Variants in PRKX observed in about 807,000 individuals in gnomAD.
PRKX encodes protein kinase cAMP-dependent X-linked catalytic subunit, also known as cAMP-dependent protein kinase catalytic subunit PRKX.
PRKX carries 12 observed loss-of-function variants against 22.0 expected under a neutral mutation model. That is an observed-to-expected ratio of 0.54 (90% CI 0.35 to 0.88). The LOEUF is 0.88. PRKX is among the 40% of genes least tolerant of loss of function. PRKX has a pLI of 0.01. For synonymous variants in PRKX, 134 were observed against 137.7 expected (o/e 0.97, Z 0.19); for missense variants, 217 against 308.0 (o/e 0.70, Z 2.21).
At chrX:3,701,200 C>T (rs1236486671) in intron 1 of PRKX, among the ~76,000 whole-genome samples, 1 of 111,063 alleles carries the variant, frequency 9.0e-6, no homozygotes, top group East Asian at 2.8e-4. Flanking sequence ...CCTCCAACTC[C>T]TGGGCTCAAA....
intron 4 of PRKX, among the ~76,000 whole-genome samples, chrX:3,633,423 G>T (rs1421693802): frequency 9.3e-6 from 1 of 107,755 alleles, no homozygotes; most frequent in African/African-American, 3.4e-5. Context: ...AATTAGCCAG[G>T]TACAGTGACG....
At position 3,711,392 on chromosome X, in the gene PRKX, C is replaced by T. The variant is rs775526823; in HGVS notation, c.166+1696G>A. Among the ~76,000 whole-genome samples, 7 of 111,686 alleles carry T rather than the reference C, an allele frequency of 6.3e-5. No individual in the cohort carries two copies. The South Asian group carries it at 2.6e-3, about 42-fold the overall frequency. On this transcript the variant is annotated intron_variant, in intron 1 of 8. Transcript: ENST00000262848. ...CTCTATTTTTAAAGATGAGGTTACC[C>T]GCTGGGCACCCTAAGCTGACTTGAC...
intron 1 of PRKX, among the ~76,000 whole-genome samples, chrX:3,678,695 T>A (rs1928013332): frequency 8.9e-6 from 1 of 111,757 alleles, no homozygotes; most frequent in African/African-American, 3.3e-5. Context: ...CATGCTGTAA[T>A]GTTTAAGGTT....
chrX:3,659,449 G>C (rs1339843840), intron 2 of PRKX: 1 of 111,312 alleles, frequency 9.0e-6, no homozygotes, highest in Non-Finnish European at 1.9e-5. Context: ...CACACATACA[G>C]GTTGCAGGAA....
In PRKX at chrX:3,655,319, G is replaced by A. The variant is rs1267584505; in HGVS notation, c.429C>T (p.Arg143=). The part of the protein sequence containing the change: ...ELFSYLRNRG[R]FSSTTGLFYS... ...AGAAGAGCCCCGTGGTGCTGGAGAAGCGCCCCCGGTTGCGCAGGTAGCTGA... is the reference window on the plus strand; with the variant it reads ...AGAAGAGCCCCGTGGTGCTGGAGAAACGCCCCCGGTTGCGCAGGTAGCTGA... Residue 143 remains arginine (R), a synonymous_variant, in exon 3 of 9, where the codon CGC becomes CGT. Coordinates refer to ENST00000262848, the MANE Select transcript of PRKX (RefSeq NM_005044.5). 1.1e-5 allele frequency: 13 copies of A among 1,210,654 alleles called. No homozygotes were observed. The highest frequency in any genetic ancestry group is 1.5e-5 in the Non-Finnish European group (13 of 895,416).
chrX:3,672,244 C>T (rs889228856), intron 2 of PRKX, among the ~76,000 whole-genome samples: 2 of 110,168 alleles, frequency 1.8e-5, no homozygotes, highest in Admixed American at 9.7e-5. Context: ...AAAAATAAAC[C>T]AACATAGGTA....
At chrX:3,663,442 A>ACACG (rs1569054380) in intron 2 of PRKX, among the ~76,000 whole-genome samples, 3 of 77,591 alleles carry the variant, frequency 3.9e-5, no homozygotes, top group Non-Finnish European at 4.9e-5. Context: ...ACACACACAC[A>ACACG]CACACACACA....
chrX:3,626,813 G>A (rs1432386821), intron 4 of PRKX, among the ~76,000 whole-genome samples: 1 of 111,633 alleles, frequency 9.0e-6, no homozygotes, highest in African/African-American at 3.3e-5. Flanking sequence ...TTATTGAGGG[G>A]CCACCAGCCC....
intron 1 of PRKX, among the ~76,000 whole-genome samples, chrX:3,692,687 C>A (rs1928358047): frequency 9.0e-6 from 1 of 110,615 alleles, no homozygotes; most frequent in African/African-American, 3.3e-5. Context: ...ACCACCACGC[C>A]TGGCTAATTT....
At chrX:3,614,651 G>A (rs142233720) in intron 7 of PRKX, among the ~76,000 whole-genome samples, 1,217 of 111,325 alleles carry the variant, frequency 0.011, 18 homozygotes, top group African/African-American at 0.037. Flanking sequence ...ATGAAGGGGA[G>A]ATGAAGAAAT....
chrX:3,662,760 T>C (rs1362589189), intron 2 of PRKX, among the ~76,000 whole-genome samples: 1 of 105,514 alleles, frequency 9.5e-6, no homozygotes, highest in Non-Finnish European at 1.9e-5. Flanking sequence ...TACTCCTATC[T>C]ACTTGAGAGA....
intron 4 of PRKX, among the ~76,000 whole-genome samples, chrX:3,628,689 T>A (rs901229825): frequency 9.0e-6 from 1 of 111,149 alleles, no homozygotes; most frequent in African/African-American, 3.3e-5. Context: ...TGAGCTGTGA[T>A]CACACCACCA....
chrX:3,693,133 G>A (rs1314090060), intron 1 of PRKX, among the ~76,000 whole-genome samples: 4 of 109,838 alleles, frequency 3.6e-5, no homozygotes, highest in Non-Finnish European at 7.6e-5. Flanking sequence ...AGTTCCAGTC[G>A]GGCTGGAAGG....
chrX:3,695,181 C>T (rs1458844110), intron 1 of PRKX, among the ~76,000 whole-genome samples: 8 of 110,219 alleles, frequency 7.3e-5, no homozygotes, highest in Admixed American at 6.8e-4. Context: ...AAGATGATAA[C>T]TGAAGTCACA....
chrX:3,613,686 AAC>A (rs1926352692), intron 7 of PRKX, among the ~76,000 whole-genome samples: 1 of 106,327 alleles, frequency 9.4e-6, no homozygotes, highest in African/African-American at 3.4e-5. Flanking sequence ...CTCTTCTAAA[AAC>A]ACACAAAAAA....
chrX:3,610,733 G>A (rs763943590), intron 8 of PRKX, among the ~76,000 whole-genome samples: 7 of 110,911 alleles, frequency 6.3e-5, no homozygotes, highest in Admixed American at 3.9e-4. Flanking sequence ...TGTTCTTTAA[G>A]TAAATTTTAC....
chrX:3,688,134 A>G (rs1208226122), intron 1 of PRKX, among the ~76,000 whole-genome samples: 5 of 109,097 alleles, frequency 4.6e-5, no homozygotes, highest in Non-Finnish European at 9.6e-5. Context: ...CTCTGTCTCA[A>G]AAAACAAACA....
intron 4 of PRKX, among the ~76,000 whole-genome samples, chrX:3,636,666 C>T (rs903845492): frequency 8.9e-6 from 1 of 112,314 alleles, no homozygotes; most frequent in Non-Finnish European, 1.9e-5. Context: ...TTGAGGCCAG[C>T]CTGGCCAATA....
At chrX:3,663,630 TAAAAAAAA>T (rs780899033) in intron 2 of PRKX, among the ~76,000 whole-genome samples, 4 of 66,224 alleles carry the variant, frequency 6.0e-5, no homozygotes, top group African/African-American at 2.4e-4. Flanking sequence ...CCACATCTCT[TAAAAAAAA>T]AAAAAAAAAA....
Sources: allele counts gnomAD v4.1 joint callset (sites outside exome capture counted in the v4.1 genomes callset), GRCh38; gene constraint gnomAD v4.1.1; transcripts MANE v1.5; gene names NCBI Gene and HGNC (gene_info 2026-07-23, HGNC 2026-07-21).